The following EPS15 variants were observed in gnomAD, a reference collection of about 807,000 sequenced individuals.
EPS15 encodes epidermal growth factor receptor substrate 15.
In EPS15, 72 loss-of-function variants were observed where a neutral mutation model predicts 113.8. The ratio of observed to expected loss-of-function variants is 0.63; its 90% CI spans 0.52 to 0.77. The LOEUF is 0.77. EPS15 is among the 30% of genes least tolerant of loss of function. The pLI is 0.00. For missense variants in EPS15, 1,048 were observed against 1,045.8 expected (o/e 1.00, Z -0.03); for synonymous variants, 344 against 363.4 (o/e 0.95, Z 0.61).
chr1:51,475,259 T>C (rs1249014848), intron 2 of EPS15, among the ~76,000 whole-genome samples: 3 of 152,222 alleles, frequency 2.0e-5, no homozygotes, highest in African/African-American at 7.2e-5. Flanking sequence ...ATCGCCACAC[T>C]GTCTTCCACA....
chr1:51,408,831 G>A (rs1035878685), intron 14 of EPS15, among the ~76,000 whole-genome samples: 13 of 138,032 alleles, frequency 9.4e-5, no homozygotes, highest in East Asian at 4.1e-4. Flanking sequence ...ACAGAGTCTC[G>A]CTCTGTTGCC....
At chr1:51,384,473 G>A (rs115683130) in intron 21 of EPS15, among the ~76,000 whole-genome samples, 2 of 151,442 alleles carry the variant, frequency 1.3e-5, no homozygotes, top group Non-Finnish European at 2.9e-5. Flanking sequence ...GCTAATTTTT[G>A]CATTTTTTTG....
chr1:51,440,461 T>C (rs1414009286), intron 11 of EPS15, 29 bp from the exon 12 acceptor site: 2 of 1,158,526 alleles, frequency 1.7e-6, no homozygotes, highest in Non-Finnish European at 2.5e-6. Flanking sequence ...CAATTATACA[T>C]TACTATAAAA....
chr1:51,392,479 G>A (rs1216454346), intron 21 of EPS15, among the ~76,000 whole-genome samples: 1 of 152,090 alleles, frequency 6.6e-6, no homozygotes, highest in Non-Finnish European at 1.5e-5. Context: ...ATTAGGAACT[G>A]GAATTTAAGC....
At chr1:51,360,641 A>G (rs934144452) in intron 24 of EPS15, among the ~76,000 whole-genome samples, 11 of 152,224 alleles carry the variant, frequency 7.2e-5, no homozygotes, top group Non-Finnish European at 1.5e-4. Context: ...TGGCATTTAC[A>G]TTTTTAAAAA....
At chr1:51,384,499 A>C (rs1389830779) in intron 21 of EPS15, among the ~76,000 whole-genome samples, 1 of 151,714 alleles carries the variant, frequency 6.6e-6, no homozygotes, top group Non-Finnish European at 1.5e-5. Context: ...ACAGAGTCTC[A>C]CTATGTTGCC....
At chr1:51,508,266 G>GAGAA (rs1553139491) in intron 1 of EPS15, among the ~76,000 whole-genome samples, 37 of 129,100 alleles carry the variant, frequency 2.9e-4, no homozygotes, top group East Asian at 6.3e-4. Context: ...GAGAGAGAGA[G>GAGAA]AGAGAGAAAG....
chr1:51,514,941 T>C (rs932407388), intron 1 of EPS15, among the ~76,000 whole-genome samples: 1 of 152,212 alleles, frequency 6.6e-6, no homozygotes, highest in Non-Finnish European at 1.5e-5. Context: ...TTGAGAACAA[T>C]ATCACTTTTC....
intron 21 of EPS15, among the ~76,000 whole-genome samples, chr1:51,390,012 A>G (rs1647218352): frequency 6.6e-6 from 1 of 152,238 alleles, no homozygotes; most frequent in South Asian, 2.1e-4. Context: ...CGCCAAGTCA[A>G]TCCTAAGCCA....
intron 21 of EPS15, 67 bp downstream of exon 21, chr1:51,394,314 G>A (rs868460525): frequency 7.2e-6 from 7 of 969,558 alleles, no homozygotes; most frequent in Middle Eastern, 2.2e-4. Flanking sequence ...TATATTTAGA[G>A]ACAAAGAAAA....
intron 21 of EPS15, among the ~76,000 whole-genome samples, chr1:51,387,914 G>C (rs1202723099): frequency 1.3e-5 from 2 of 152,170 alleles, no homozygotes; most frequent in African/African-American, 4.8e-5. Flanking sequence ...AGATCAATGA[G>C]ACAGAAAGTT....
At chr1:51,467,880 G>A (rs537157471) in intron 5 of EPS15, among the ~76,000 whole-genome samples, 18 of 152,088 alleles carry the variant, frequency 1.2e-4, no homozygotes, top group Non-Finnish European at 2.1e-4. Context: ...CCATGAAACC[G>A]GTCCCTGGTG....
chr1:51,508,334 AAG>A lies in EPS15; in HGVS notation c.33+10863_33+10864del, dbSNP rs150953806. On this transcript the variant is annotated intron_variant, in intron 1 of 24. Transcript: ENST00000371733. The stretch of plus-strand genomic sequence containing the variant: ...AGAAAGAGAGAAAGAGAGAAAGAGA[AAG>A]AGAGAAAGAAAGAAAGAAAGAAAGA... 8.7e-3 allele frequency among the ~76,000 whole-genome samples: 990 copies of A among 114,236 alleles called. 13 individuals carry two copies. Among genetic ancestry groups the A allele is most frequent in the African/African-American group, 0.033 (934 of 27,896 alleles). 74.9% of individuals were successfully genotyped at this position (114,236 alleles called of 152,430 possible). A position where few individuals can be genotyped will look rare whatever the true frequency, so the allele number is the denominator to read the frequency against.
At chr1:51,444,796 T>C in intron 11 of EPS15, 93 bp downstream of exon 11, 1 of 1,249,868 alleles carries the variant, frequency 8.0e-7, no homozygotes, top group Admixed American at 2.0e-5. Flanking sequence ...AGATACATTT[T>C]CTCTTCTATT....
intron 1 of EPS15, among the ~76,000 whole-genome samples, chr1:51,493,764 G>A (rs1467500252): frequency 5.3e-5 from 8 of 150,756 alleles, no homozygotes; most frequent in African/African-American, 9.7e-5. Flanking sequence ...GATTACAGGC[G>A]TCACGCCTGG....
intron 1 of EPS15, among the ~76,000 whole-genome samples, chr1:51,512,977 C>T (rs1479518702): frequency 6.6e-6 from 1 of 151,234 alleles, no homozygotes; most frequent in African/African-American, 2.4e-5. Flanking sequence ...TACGGGCACA[C>T]ACCACCATGC....
Position 51,519,152 on chromosome 1 carries a change from A to T in EPS15, c.33+47T>A, listed in dbSNP as rs374275597. ...TCGGCGAAGCTGAGGGCGGTGGGGG[A>T]GGGGGCACCGGCCGGCCAAGCCCGG... On this transcript the variant is annotated intron_variant, in intron 1 of 24. Transcript: ENST00000371733. 1.0e-4 allele frequency: 138 copies of T among 1,351,628 alleles called. No homozygotes were observed. In the African/African-American group the frequency reaches 1.8e-3, roughly 18 times the overall value. 83.7% of individuals were successfully genotyped at this position (1,351,628 alleles called of 1,614,324 possible). A position where few individuals can be genotyped will look rare whatever the true frequency, so the allele number is the denominator to read the frequency against.
Position 51,463,786 on chromosome 1 carries a change from C to T in EPS15, c.388G>A (p.Ala130Thr), listed in dbSNP as rs769698279. 13 of 1,591,200 alleles carry T rather than the reference C, an allele frequency of 8.2e-6. No homozygotes were observed. The Admixed American group carries it at 2.1e-4, about 25-fold the overall frequency. The change falls in exon 7 of 25, where the codon GCC becomes ACC. Residue 130 changes from alanine to threonine, a missense_variant. Coordinates refer to ENST00000371733, the MANE Select transcript of EPS15 (RefSeq NM_001981.3). Reference protein sequence around the residue: ...LPWAVKPEDKAKYDAIFDSLS... With the variant: ...LPWAVKPEDKTKYDAIFDSLS... ...CTATCAAATATTGCATCATATTTGG[C>T]CTTATCTTCAGGCTACAATAAAAAA...
intron 21 of EPS15, among the ~76,000 whole-genome samples, chr1:51,368,370 G>A (rs1274643023): frequency 1.3e-5 from 2 of 152,158 alleles, no homozygotes; most frequent in African/African-American, 4.8e-5. Context: ...AAAGGAGTGG[G>A]TGGAAGCATA....
Sources: allele counts gnomAD v4.1 joint callset (sites outside exome capture counted in the v4.1 genomes callset), GRCh38; gene constraint gnomAD v4.1.1; transcripts MANE v1.5; gene names NCBI Gene and HGNC (gene_info 2026-07-23, HGNC 2026-07-21).